The following CAMK2G variants were observed in gnomAD, a reference collection of about 807,000 sequenced individuals.
The protein encoded by CAMK2G is calcium/calmodulin dependent protein kinase II gamma.
Under a neutral mutation model 88.7 loss-of-function variants are expected in CAMK2G, and 23 were observed. That is an observed-to-expected ratio of 0.26 (90% CI 0.19 to 0.37). The LOEUF is 0.37. Among genes scored for constraint, CAMK2G ranks in the 10% least tolerant of loss-of-function variants. The probability of loss-of-function intolerance (pLI) is 1.00; values close to 1 mark genes in which losing one functional copy is unlikely to be tolerated. For missense variants in CAMK2G, 476 were observed against 780.8 expected (o/e 0.61, Z 4.65); for synonymous variants, 263 against 294.8 (o/e 0.89, Z 1.11).
At chr10:73,845,480 G>A (rs1416976202) in intron 10 of CAMK2G, among the ~76,000 whole-genome samples, 1 of 151,804 alleles carries the variant, frequency 6.6e-6, no homozygotes, top group East Asian at 1.9e-4. Context: ...TACTCGGGAG[G>A]CTGAGGCAGG....
chr10:73,864,869 C>T (rs1314261868), intron 2 of CAMK2G, among the ~76,000 whole-genome samples: 1 of 152,136 alleles, frequency 6.6e-6, no homozygotes, highest in Admixed American at 6.5e-5. Context: ...TGGTCTCGAT[C>T]TCCTGACCTT....
intron 10 of CAMK2G, 56 bp downstream of exon 10, chr10:73,847,169 G>A (rs1235535201): frequency 1.5e-5 from 23 of 1,584,990 alleles, no homozygotes; most frequent in Non-Finnish European, 1.9e-5. Flanking sequence ...GTGGTGCCGA[G>A]GGCACACAGA....
chr10:73,827,961 C>T, intron 15 of CAMK2G, 128 bp downstream of exon 15: 7 of 828,924 alleles, frequency 8.4e-6, no homozygotes, highest in Non-Finnish European at 1.5e-5. Context: ...CAGGCCACAC[C>T]TGCCCACACA....
chr10:73,868,431 G>A (rs1479889839), intron 2 of CAMK2G, among the ~76,000 whole-genome samples: 5 of 152,214 alleles, frequency 3.3e-5, no homozygotes, highest in Admixed American at 2.0e-4. Flanking sequence ...ACGTGACCGC[G>A]TGACAAAAGC....
At position 73,814,569 on chromosome 10, in the gene CAMK2G, C is replaced by T. The variant is rs142784922; in HGVS notation, c.*13-64G>A. 1.4e-4 allele frequency: 26 copies of T among 181,864 alleles called. No individual in the cohort carries two copies. The East Asian group carries it at 3.3e-3, about 23-fold the overall frequency. 11.3% of individuals were successfully genotyped at this position (181,864 alleles called of 1,614,324 possible). ...CAATGAGCACACAGATGAGTTCCAG[C>T]GACTTTAGCACGCTAAACACATGGC... On this transcript the variant is annotated intron_variant, in intron 22 of 22. Transcript: ENST00000423381.
intron 17 of CAMK2G, among the ~76,000 whole-genome samples, chr10:73,823,694 G>A (rs1443606884): frequency 2.0e-5 from 3 of 152,096 alleles, no homozygotes; most frequent in East Asian, 1.9e-4. Flanking sequence ...CATGGAGAAC[G>A]CTCCAGGGTC....
chr10:73,865,105 C>T (rs1380021666), intron 2 of CAMK2G, among the ~76,000 whole-genome samples: 1 of 152,232 alleles, frequency 6.6e-6, no homozygotes, highest in African/African-American at 2.4e-5. Context: ...CCACAGCTAT[C>T]ACCAGAGACA....
At chr10:73,845,904 C>T (rs1024886391) in intron 10 of CAMK2G, among the ~76,000 whole-genome samples, 9 of 135,884 alleles carry the variant, frequency 6.6e-5, no homozygotes, top group Admixed American at 3.7e-4. Flanking sequence ...CAATTCCCTT[C>T]TTTTTTTTTT....
intron 4 of CAMK2G, chr10:73,852,615 C>A (rs1222820430): frequency 4.8e-6 from 2 of 416,574 alleles, no homozygotes; most frequent in East Asian, 4.4e-5. Flanking sequence ...TCAACCTACC[C>A]CAAAAGTCAC....
At position 73,813,943 on chromosome 10, in the gene CAMK2G, T is replaced by G. The variant is rs566036395; in HGVS notation, c.*575A>C. 1 of 152,758 alleles carries G rather than the reference T, an allele frequency of 6.5e-6. No individual in the cohort carries two copies. The highest frequency in any genetic ancestry group is 1.9e-4 in the East Asian group (1 of 5,172). 9.5% of individuals were successfully genotyped at this position (152,758 alleles called of 1,614,324 possible). ...ACAGCAGGCTGGGAGCTCTGCGTTC[T>G]CTCCCAAGTAGGTCTGATGGTCACG... On this transcript the variant is annotated 3_prime_UTR_variant, in exon 23 of 23. Transcript: ENST00000423381.
chr10:73,848,627 G>T lies in CAMK2G; in HGVS notation c.518-18C>A. 6.6e-7 allele frequency: 1 copy of T among 1,516,656 alleles called. No individual in the cohort carries two copies. Among genetic ancestry groups the T allele is most frequent in the Non-Finnish European group, 9.1e-7 (1 of 1,097,244 alleles). 93.9% of individuals were successfully genotyped at this position (1,516,656 alleles called of 1,614,324 possible). ...AGCAAAACCTGTAGCAAAAGAGAGG[G>T]CAGAGGCATACTGAACCCACTTTCT... is the stretch of plus-strand genomic sequence containing the variant. On this transcript the variant is annotated intron_variant, in intron 7 of 22. Transcript: ENST00000423381. This position sits in a 1 kb window ranked among gnomAD's most constrained non-coding sequence, Gnocchi z 4.5.
At chr10:73,816,749 G>C (rs745307215) in intron 21 of CAMK2G, 1 of 1,400,280 alleles carries the variant, frequency 7.1e-7, no homozygotes, top group Non-Finnish European at 9.4e-7. Context: ...GTAAGCCACC[G>C]CGCCCGGCAA....
At chr10:73,831,523 G>C (rs1481289259) in intron 14 of CAMK2G, among the ~76,000 whole-genome samples, 2 of 132,560 alleles carry the variant, frequency 1.5e-5, no homozygotes. Context: ...GGGTGAGAGT[G>C]AGACTCCGTC....
rs1041823854 is a variant in CAMK2G, at chr10:73,839,710, C to G, written c.947-109G>C. 4 of 602,364 alleles carry G rather than the reference C, an allele frequency of 6.6e-6. No individual in the cohort carries two copies. Among genetic ancestry groups the G allele is most frequent in the Non-Finnish European group, 9.7e-6 (4 of 413,514 alleles). The allele number at this position is 602,364 out of a possible 1,614,324, so 37.3% of individuals were successfully genotyped here. A position where few individuals can be genotyped will look rare whatever the true frequency, so the allele number is the denominator to read the frequency against. ...AGCCCAGGCGGCGTGGCCAAGCCAG[C>G]CGAGCTGGGGGAGCGGAGCGCCAGG... On this transcript the variant is annotated intron_variant, in intron 12 of 22. Coordinates refer to ENST00000423381, the MANE Select transcript of CAMK2G (RefSeq NM_001367534.1). This position sits in a 1 kb window ranked among gnomAD's most constrained non-coding sequence, Gnocchi z 4.2.
chr10:73,834,372 T>C (rs2092945901), intron 14 of CAMK2G, among the ~76,000 whole-genome samples: 1 of 152,222 alleles, frequency 6.6e-6, no homozygotes, highest in Admixed American at 6.5e-5. Flanking sequence ...AGCTCTTTTC[T>C]CAAAAGAATG....
intron 2 of CAMK2G, among the ~76,000 whole-genome samples, chr10:73,872,265 G>C (rs1289832916): frequency 6.6e-6 from 1 of 152,224 alleles, no homozygotes; most frequent in Admixed American, 6.5e-5. Flanking sequence ...GGAGGATCTC[G>C]CAAGTGAGGC....
At chr10:73,816,820 G>C in intron 21 of CAMK2G, 1 of 1,541,050 alleles carries the variant, frequency 6.5e-7, no homozygotes, top group Non-Finnish European at 8.7e-7. Flanking sequence ...AGAATGAATG[G>C]CACTTGGAGC....
At chr10:73,859,364 G>A (rs1422046630) in intron 3 of CAMK2G, among the ~76,000 whole-genome samples, 1 of 152,198 alleles carries the variant, frequency 6.6e-6, no homozygotes, top group East Asian at 1.9e-4. Flanking sequence ...AAAGGCGGGG[G>A]AATAGATTTT....
At chr10:73,817,841 C>T (rs2086230793) in intron 19 of CAMK2G, 2 of 495,012 alleles carry the variant, frequency 4.0e-6, no homozygotes, top group Admixed American at 3.2e-5. Context: ...AACACGCTTG[C>T]CTTTAACAGG....
Sources: allele counts gnomAD v4.1 joint callset (sites outside exome capture counted in the v4.1 genomes callset), GRCh38; gene constraint gnomAD v4.1.1; non-coding constraint Gnocchi (gnomAD v3.1); transcripts MANE v1.5; gene names NCBI Gene and HGNC (gene_info 2026-07-23, HGNC 2026-07-21).